Variants in PES1 observed in about 807,000 individuals in gnomAD.
PES1 encodes pescadillo homolog.
PES1 carries 31 observed loss-of-function variants against 77.1 expected under a neutral mutation model. That is an observed-to-expected ratio of 0.40 (90% CI 0.30 to 0.54). The LOEUF (loss-of-function observed/expected upper bound fraction) is 0.54. PES1 is among the 20% of genes least tolerant of loss of function. The pLI is 0.45. For missense variants in PES1, 658 were observed against 771.7 expected, an observed-to-expected ratio of 0.85 and a Z score of 1.75; for synonymous variants, 282 against 303.0, an observed-to-expected ratio of 0.93 and a Z score of 0.72.
rs541839622 is a variant in PES1, at chr22:30,580,428, T to C, written c.1043+143A>G. 2.1e-5 allele frequency: 25 copies of C among 1,187,358 alleles called. No individual in the cohort carries two copies. The African/African-American group carries it at 3.8e-4, about 18-fold the overall frequency. The allele number at this position is 1,187,358 out of a possible 1,614,324, so 73.6% of individuals were successfully genotyped here. A position where few individuals can be genotyped will look rare whatever the true frequency, so the allele number is the denominator to read the frequency against. ...TGCTGAGCACTTCCTATGTGCTCAGTGCGGTGCCGAGCACTTTCCACACAC... is the reference window on the plus strand; with the variant it reads ...TGCTGAGCACTTCCTATGTGCTCAGCGCGGTGCCGAGCACTTTCCACACAC... On this transcript the variant is annotated intron_variant, in intron 10 of 14. Transcript: ENST00000354694.
chr22:30,586,255 G>C (rs2087088095), intron 4 of PES1, among the ~76,000 whole-genome samples: 1 of 152,112 alleles, frequency 6.6e-6, no homozygotes, highest in Admixed American at 6.5e-5. Context: ...CATCTCTTCT[G>C]AAGATGGGGA....
chr22:30,591,087 C>A (rs1209096548), intron 1 of PES1, among the ~76,000 whole-genome samples: 1 of 152,082 alleles, frequency 6.6e-6, no homozygotes, highest in Non-Finnish European at 1.5e-5. Context: ...ACAAGAACTC[C>A]CTGAAAAACT....
intron 2 of PES1, among the ~76,000 whole-genome samples, chr22:30,601,658 A>G (rs1213644202): frequency 6.6e-6 from 1 of 151,570 alleles, no homozygotes; most frequent in East Asian, 1.9e-4. Flanking sequence ...TAGTTTTATC[A>G]CTGTTTTTAT....
upstream of PES1, among the ~76,000 whole-genome samples, chr22:30,593,082 A>T (rs1202788334): frequency 6.6e-6 from 1 of 152,182 alleles, no homozygotes; most frequent in African/African-American, 2.4e-5. Context: ...ACTTGGTCTT[A>T]GAACTTACAC....
chr22:30,598,938 C>A (rs1364102346), intron 2 of PES1, among the ~76,000 whole-genome samples: 1 of 80,032 alleles, frequency 1.2e-5, no homozygotes, highest in African/African-American at 5.0e-5. Context: ...GCTCTGTCAT[C>A]CAGGCTAGAG....
In PES1 at chr22:30,589,237, G is replaced by A. The variant is rs1569027161; in HGVS notation, c.58C>T (p.Arg20Trp). The A allele has an allele frequency of 3.1e-6, 5 of 1,613,870 alleles. No homozygotes were observed. In the African/African-American group the frequency reaches 6.7e-5, roughly 22 times the overall value. ...TGGAGCTTCTTCCGGGCTTTGTTCC[G>A]GGTGATGTAGTTGGTGGCCGAGCCT... ...ERGSATNYITRNKARKKLQLS... is the reference protein window; with the variant it reads ...ERGSATNYITWNKARKKLQLS... Residue 20 changes from arginine to tryptophan, a missense_variant, in exon 2 of 15, where the codon CGG becomes TGG. Physicochemically the swap from Arg to Trp is moderately radical, Grantham distance 101. Coordinates refer to ENST00000354694, the MANE Select transcript of PES1 (RefSeq NM_014303.4).
chr22:30,592,124 G>A (rs1157181989), upstream of PES1: 37 of 1,245,562 alleles, frequency 3.0e-5, no homozygotes, highest in Non-Finnish European at 3.5e-5. Flanking sequence ...AGGCTTTTCT[G>A]TAATCACCCT....
chr22:30,594,157 T>C (rs983446665), upstream of PES1, among the ~76,000 whole-genome samples: 1 of 152,222 alleles, frequency 6.6e-6, no homozygotes, highest in Non-Finnish European at 1.5e-5. Flanking sequence ...CTTCCTCATT[T>C]GTAAGATGGG....
chr22:30,588,318 A>G (rs1325810274), intron 2 of PES1, 144 bp from the exon 3 acceptor site: 6 of 883,342 alleles, frequency 6.8e-6, no homozygotes, highest in African/African-American at 3.4e-5. Flanking sequence ...CATGAGTCTG[A>G]CAGTCACAAT....
upstream of PES1, among the ~76,000 whole-genome samples, chr22:30,594,668 TA>T (rs34230525): frequency 0.18 from 24,701 of 138,630 alleles, 2,070 homozygotes; most frequent in African/African-American, 0.2. Flanking sequence ...TGCCCCGCCT[TA>T]AAAAAAAAAA....
chr22:30,584,881 C>A (rs928419516), intron 4 of PES1, among the ~76,000 whole-genome samples, 164 bp from the exon 5 acceptor site: 1 of 152,086 alleles, frequency 6.6e-6, no homozygotes, highest in Non-Finnish European at 1.5e-5. Context: ...ACCACAGCCC[C>A]TAGGAGGAAC....
At chr22:30,598,402 A>T (rs546132888) in intron 2 of PES1, 1 of 154,864 alleles carries the variant, frequency 6.5e-6, no homozygotes, top group African/African-American at 2.4e-5. Context: ...CGGACACAGT[A>T]CTATGCCAGG....
In PES1 at chr22:30,577,139, G is replaced by A. The variant is rs1175666525; in HGVS notation, c.1684-10C>T. ...CCGCCAGCTTGTTGGCCTGTGAGGGGGAAGGCGAAGGTCAGGCTGAGGTAT... is the reference window on the plus strand; with the variant it reads ...CCGCCAGCTTGTTGGCCTGTGAGGGAGAAGGCGAAGGTCAGGCTGAGGTAT... On this transcript the variant is annotated splice_polypyrimidine_tract_variant and intron_variant, in intron 14 of 14. Coordinates refer to ENST00000354694, the MANE Select transcript of PES1 (RefSeq NM_014303.4). The A allele has an allele frequency of 6.2e-7, 1 of 1,612,524 alleles. No individual in the cohort carries two copies. Among genetic ancestry groups the A allele is most frequent in the Non-Finnish European group, 8.5e-7 (1 of 1,179,230 alleles).
chr22:30,593,693 A>G (rs544635024), upstream of PES1, among the ~76,000 whole-genome samples: 11 of 152,288 alleles, frequency 7.2e-5, no homozygotes, highest in African/African-American at 2.2e-4. Context: ...TTTTGCTCAC[A>G]TTAATGTTGA....
At chr22:30,606,756 A>G (rs1227443164) in intron 1 of PES1, 3 of 496,954 alleles carry the variant, frequency 6.0e-6, no homozygotes, top group Non-Finnish European at 7.3e-6. Context: ...CCCTCCCGCC[A>G]CAACTGAGGG....
chr22:30,591,875 A>G lies in PES1; in HGVS notation c.-42T>C. 1 of 1,537,264 alleles carries G rather than the reference A, an allele frequency of 6.5e-7. No individual in the cohort carries two copies. Among genetic ancestry groups the G allele is most frequent in the South Asian group, 1.2e-5 (1 of 83,420 alleles). On this transcript the variant is annotated 5_prime_UTR_variant, in exon 1 of 15. Transcript: ENST00000354694. ...GCCGACTAGGGCCGCGCGTACAGGG[A>G]GCTCCACTTCCTCCCGCACGTGCCC...
intron 1 of PES1, among the ~76,000 whole-genome samples, chr22:30,589,968 A>G (rs559598442): frequency 7.9e-5 from 12 of 152,262 alleles, no homozygotes; most frequent in African/African-American, 2.6e-4. Flanking sequence ...AATAGCTAAG[A>G]TACTGCCCCT....
intron 2 of PES1, among the ~76,000 whole-genome samples, chr22:30,598,950 G>T (rs570976554): frequency 8.7e-6 from 1 of 115,148 alleles, no homozygotes; most frequent in East Asian, 2.7e-4. Context: ...AGGCTAGAGT[G>T]CAGTGGTGCG....
intron 2 of PES1, among the ~76,000 whole-genome samples, chr22:30,602,574 G>A (rs999082254): frequency 3.3e-5 from 5 of 150,846 alleles, no homozygotes; most frequent in African/African-American, 7.3e-5. Context: ...GATAAAGATA[G>A]GGGCTCACTA....
Sources: gnomAD v4.1 joint callset for allele counts (sites outside exome capture counted in the v4.1 genomes callset) on GRCh38, gnomAD v4.1.1 for gene constraint, MANE v1.5 for transcripts, NCBI Gene and HGNC (gene_info 2026-07-23, HGNC 2026-07-21) for gene names.